Variants in PTK7 observed in about 807,000 individuals in gnomAD.
The protein encoded by PTK7 is inactive tyrosine-protein kinase 7.
Under a neutral mutation model 116.6 loss-of-function variants are expected in PTK7, and 39 were observed. The observed-to-expected ratio is 0.33, with a 90% CI of 0.26 to 0.44. PTK7 has a LOEUF of 0.44. PTK7 is among the 20% of genes least tolerant of loss of function. The probability of loss-of-function intolerance (pLI) is 1.00; values close to 1 mark genes in which losing one functional copy is unlikely to be tolerated. For missense variants in PTK7, 1,169 were observed against 1,425.6 expected (o/e 0.82, Z 2.90); for synonymous variants, 546 against 563.6 (o/e 0.97, Z 0.44).
At chr6:43,080,855 TC>T (rs1561928713) in intron 1 of PTK7, among the ~76,000 whole-genome samples, 1 of 151,670 alleles carries the variant, frequency 6.6e-6, no homozygotes, top group Admixed American at 6.6e-5. Context: ...GGCAGGAGAA[TC>T]ACTTGAACCC....
chr6:43,160,365 G>T (rs141820640), intron 19 of PTK7, among the ~76,000 whole-genome samples: 1 of 152,120 alleles, frequency 6.6e-6, no homozygotes, highest in South Asian at 2.1e-4. Context: ...TGATCCACCC[G>T]CCTCGGCCTC....
At chr6:43,082,846 G>A (rs1047250146) in intron 1 of PTK7, among the ~76,000 whole-genome samples, 5 of 152,166 alleles carry the variant, frequency 3.3e-5, no homozygotes, top group African/African-American at 1.2e-4. Flanking sequence ...ATTTTATAAC[G>A]AAAGCCAGTG....
At chr6:43,133,033 C>T in intron 7 of PTK7, 1 of 444,296 alleles carries the variant, frequency 2.3e-6, no homozygotes. Flanking sequence ...GGTTCAGTCT[C>T]CTCATCCATA....
intron 1 of PTK7, among the ~76,000 whole-genome samples, chr6:43,116,656 GCGCACGCACGCA>G (rs879471153): frequency 1.6e-5 from 2 of 127,724 alleles, no homozygotes; most frequent in African/African-American, 5.8e-5. Flanking sequence ...GTGTGTGCGC[GCGCACGCACGCA>G]CGCATATGGA....
intron 1 of PTK7, among the ~76,000 whole-genome samples, chr6:43,111,320 G>C (rs1006621919): frequency 1.3e-5 from 2 of 152,186 alleles, no homozygotes; most frequent in Admixed American, 6.5e-5. Context: ...TGGAGCATCA[G>C]GCAGCTGAGG....
In PTK7 at chr6:43,118,160, G is replaced by A. The variant is rs564997147; in HGVS notation, c.80-10817G>A. Among the ~76,000 whole-genome samples, 5 of 145,876 alleles carry A rather than the reference G, an allele frequency of 3.4e-5. No homozygotes were observed. The South Asian group carries it at 1.1e-3, about 32-fold the overall frequency. On this transcript the variant is annotated intron_variant, in intron 1 of 19. Transcript: ENST00000230419. ...GTTTCTCTCTGTGATTCAATACAGT[G>A]GTCACCAGCCACCTATGGCCCCTGA...
intron 1 of PTK7, among the ~76,000 whole-genome samples, chr6:43,118,639 CTCTCTCTCTCTCTCTCTCTCTA>C (rs1317601021): frequency 2.5e-5 from 2 of 81,150 alleles, no homozygotes; most frequent in Non-Finnish European, 4.5e-5. Flanking sequence ...CTCTCTCTCT[CTCTCTCTCTCTCTCTCTCTCTA>C]TATATATATA....
At chr6:43,113,387 C>T (rs1365761005) in intron 1 of PTK7, among the ~76,000 whole-genome samples, 2 of 152,004 alleles carry the variant, frequency 1.3e-5, no homozygotes, top group Non-Finnish European at 2.9e-5. Context: ...GAGCCAAGAT[C>T]GCACCACTGC....
Position 43,076,616 on chromosome 6 carries a change from C to G in PTK7, c.79+49C>G. The G allele has an allele frequency of 6.5e-7, 1 of 1,534,216 alleles. No homozygotes were observed. Among genetic ancestry groups the G allele is most frequent in the Non-Finnish European group, 8.7e-7 (1 of 1,143,006 alleles). ...ACAGAGCTTGGGAAGCGCGGGAGTC[C>G]CGTGGGCAAAAGGCTGCGCCCGGGG... On this transcript the variant is annotated intron_variant, in intron 1 of 19. Coordinates refer to ENST00000230419, the MANE Select transcript of PTK7 (RefSeq NM_002821.5). The surrounding 1 kb of genome is among the most constrained non-coding windows in gnomAD (Gnocchi z 5.7).
chr6:43,082,333 G>A (rs1766426415), intron 1 of PTK7, among the ~76,000 whole-genome samples: 1 of 152,026 alleles, frequency 6.6e-6, no homozygotes, highest in Admixed American at 6.6e-5. Flanking sequence ...GCACCACCAC[G>A]CCAGGCTAAT....
In PTK7 at chr6:43,139,377, G is replaced by T. The variant is rs749234249; in HGVS notation, c.1499-29G>T. 1.9e-6 allele frequency: 3 copies of T among 1,614,060 alleles called. No homozygotes were observed. The highest frequency in any genetic ancestry group is 2.2e-5 in the East Asian group (1 of 44,876). ...GCCTCTCCAGCGGCCCCAATTCCTC[G>T]TCTTTCTACCCACCCTCTGCTGAAA... On this transcript the variant is annotated intron_variant, in intron 9 of 19. Coordinates refer to ENST00000230419, the MANE Select transcript of PTK7 (RefSeq NM_002821.5). The surrounding 1 kb of genome is among the most constrained non-coding windows in gnomAD (Gnocchi z 4.6).
intron 7 of PTK7, among the ~76,000 whole-genome samples, chr6:43,137,454 G>C (rs924453675): frequency 1.3e-5 from 2 of 152,210 alleles, no homozygotes; most frequent in Admixed American, 6.6e-5. Context: ...TATTGACTGA[G>C]ATAGGGAAAA....
At chr6:43,118,648 TCTCTCTCTCTCTA>T (rs1181204679) in intron 1 of PTK7, among the ~76,000 whole-genome samples, 5 of 86,338 alleles carry the variant, frequency 5.8e-5, no homozygotes, top group African/African-American at 2.9e-4. Flanking sequence ...TCTCTCTCTC[TCTCTCTCTCTCTA>T]TATATATATA....
chr6:43,109,235 C>T (rs912139152), intron 1 of PTK7, among the ~76,000 whole-genome samples: 1 of 152,108 alleles, frequency 6.6e-6, no homozygotes, highest in Non-Finnish European at 1.5e-5. Flanking sequence ...GAGATAGGGT[C>T]TTGCTATGTT....
At chr6:43,160,032 A>G (rs1221240196) in intron 19 of PTK7, 66 bp downstream of exon 19, 2 of 1,527,300 alleles carry the variant, frequency 1.3e-6, no homozygotes, top group Non-Finnish European at 1.8e-6. Flanking sequence ...TCAGGGCCCC[A>G]GGGCTGGTTC....
intron 1 of PTK7, among the ~76,000 whole-genome samples, chr6:43,083,841 T>C (rs181630038): frequency 8.7e-4 from 133 of 152,322 alleles, no homozygotes; most frequent in African/African-American, 2.4e-3. Flanking sequence ...GGTTTAGGTG[T>C]GTATGTAATT....
chr6:43,100,847 G>C (rs548709228), intron 1 of PTK7, among the ~76,000 whole-genome samples: 1 of 152,128 alleles, frequency 6.6e-6, no homozygotes, highest in South Asian at 2.1e-4. Context: ...TGATTAGCTG[G>C]TCCTTAATAC....
At chr6:43,097,378 T>C (rs759704887) in intron 1 of PTK7, among the ~76,000 whole-genome samples, 9 of 152,346 alleles carry the variant, frequency 5.9e-5, no homozygotes, top group Admixed American at 1.3e-4. Flanking sequence ...AATATCCTTG[T>C]ACCTGTCTTT....
intron 7 of PTK7, among the ~76,000 whole-genome samples, chr6:43,135,460 T>A (rs1769974723): frequency 6.6e-6 from 1 of 152,178 alleles, no homozygotes; most frequent in South Asian, 2.1e-4. Flanking sequence ...AATATAATTT[T>A]AGGTGCCAGT....
Sources: gnomAD v4.1 joint callset for allele counts (sites outside exome capture counted in the v4.1 genomes callset) on GRCh38, gnomAD v4.1.1 for gene constraint, Gnocchi (gnomAD v3.1) non-coding constraint, MANE v1.5 for transcripts, NCBI Gene and HGNC (gene_info 2026-07-23, HGNC 2026-07-21) for gene names.